The following SH3RF2 variants were observed in gnomAD, a reference collection of about 807,000 sequenced individuals.
SH3RF2 encodes SH3 domain containing ring finger 2, also known as E3 ubiquitin-protein ligase SH3RF2.
In SH3RF2, 43 loss-of-function variants were observed where a neutral mutation model predicts 59.0. That is an observed-to-expected ratio of 0.73 (90% CI 0.57 to 0.94). The LOEUF (loss-of-function observed/expected upper bound fraction) is 0.94, where lower values mean the gene tolerates loss of function less well. SH3RF2 is among the 40% of genes least tolerant of loss of function. The pLI, the probability that SH3RF2 is intolerant of heterozygous loss-of-function variation, is 0.00. For missense variants in SH3RF2, 930 were observed against 940.1 expected, an observed-to-expected ratio of 0.99 and a Z score of 0.14; for synonymous variants, 391 against 391.5, an observed-to-expected ratio of 1.00 and a Z score of 0.01.
At chr5:145,939,604 T>C (rs1757733944) in intron 2 of SH3RF2, among the ~76,000 whole-genome samples, 1 of 152,228 alleles carries the variant, frequency 6.6e-6, no homozygotes, top group Admixed American at 6.5e-5. Context: ...GCCATTGTGC[T>C]TGTAAGTGAC....
Position 146,013,940 on chromosome 5 carries a change from A to T in SH3RF2, c.938A>T (p.His313Leu). The T allele has an allele frequency of 6.2e-7, 1 of 1,614,054 alleles. No individual in the cohort carries two copies. Among genetic ancestry groups the T allele is most frequent in the South Asian group, 1.1e-5 (1 of 91,082 alleles). The change falls in exon 5 of 10, where the codon CAT (histidine) becomes CTT (leucine). Residue 313 changes from histidine to leucine, a missense_variant. By Grantham distance (99) the His-to-Leu change is moderately conservative. Coordinates refer to ENST00000359120, the MANE Select transcript of SH3RF2 (RefSeq NM_152550.4). ...TTGAACACTCTCAACCGGATGGTCCATTCTCCTTCAGGGCGCCATATGGTA... is the reference window on the plus strand; with the variant it reads ...TTGAACACTCTCAACCGGATGGTCCTTTCTCCTTCAGGGCGCCATATGGTA... ...TALNTLNRMV[H>L]SPSGRHMVEI... is the part of the protein sequence containing the mutation.
rs758037 is a variant in SH3RF2 at position 146,013,801 on chromosome 5, C to T, written c.799C>T (p.Arg267Cys). 985,273 of 1,613,750 alleles carry T rather than the reference C, an allele frequency of 0.61. 304,692 individuals carry two copies. The highest frequency in any genetic ancestry group is 0.8 in the Middle Eastern group (4,819 of 6,060). ...LEKNKGRQSS[R>C]TKNLSLVSSS... ...GAAGAACAAAGGTCGCCAGTCATCC[C>T]GCACAAAAAACCTGTCCCTGGTGTC... The change falls in exon 5 of 10, where the codon CGC becomes TGC. Residue 267 changes from arginine to cysteine, a missense_variant. Arg to Cys is a radical substitution (Grantham distance 180). Transcript: ENST00000359120.
In SH3RF2 at chr5:146,062,637, T is replaced by C; in HGVS notation, c.2126T>C (p.Leu709Pro). The change falls in exon 10 of 10, where the codon CTT becomes CCT. Residue 709 changes from leucine (L) to proline (P), a missense_variant. Physicochemically the swap from Leu to Pro is moderately conservative, Grantham distance 98 (BLOSUM62 -3). Coordinates refer to ENST00000359120, the MANE Select transcript of SH3RF2 (RefSeq NM_152550.4). ...QQTDLRRKSA[L>P]GKATTLVSTA... Reference sequence around the variant, plus strand: ...ACAGACCTCCGGAGAAAGTCAGCTCTTGGCAAGGCCACAACCCTGGTGTCC... The same window carrying C: ...ACAGACCTCCGGAGAAAGTCAGCTCCTGGCAAGGCCACAACCCTGGTGTCC... 1 of 1,614,216 alleles carries C rather than the reference T, an allele frequency of 6.2e-7. No individual in the cohort carries two copies. Among genetic ancestry groups the C allele is most frequent in the South Asian group, 1.1e-5 (1 of 91,084 alleles).
chr5:145,997,868 G>A, intron 2 of SH3RF2: 1 of 1,068,516 alleles, frequency 9.4e-7, no homozygotes, highest in Non-Finnish European at 1.5e-6. Flanking sequence ...AATGCTCAGT[G>A]CCCTTGCCAA....
intron 5 of SH3RF2, among the ~76,000 whole-genome samples, chr5:146,025,456 C>T (rs1761495557): frequency 6.6e-6 from 1 of 152,242 alleles, no homozygotes; most frequent in African/African-American, 2.4e-5. Context: ...GGTTCCCACA[C>T]TTGAGCCAAG....
chr5:145,969,544 T>A (rs974941503), intron 2 of SH3RF2, among the ~76,000 whole-genome samples: 5 of 152,040 alleles, frequency 3.3e-5, no homozygotes, highest in Non-Finnish European at 7.4e-5. Flanking sequence ...ATGTAACAGC[T>A]ACAGACATTA....
chr5:145,963,764 C>T (rs1168409295), intron 2 of SH3RF2, among the ~76,000 whole-genome samples: 1 of 152,042 alleles, frequency 6.6e-6, no homozygotes, highest in African/African-American at 2.4e-5. Flanking sequence ...TGTCCCTCAG[C>T]CCCAGCTCTT....
At chr5:146,001,050 T>C (rs1227509892) in intron 3 of SH3RF2, among the ~76,000 whole-genome samples, 1 of 152,232 alleles carries the variant, frequency 6.6e-6, no homozygotes, top group African/African-American at 2.4e-5. Context: ...AATAACATAA[T>C]CGTGCCTTTC....
intron 2 of SH3RF2, among the ~76,000 whole-genome samples, chr5:145,950,809 A>G (rs556621298): frequency 1.3e-5 from 2 of 152,340 alleles, no homozygotes; most frequent in South Asian, 4.1e-4. Flanking sequence ...CCTAACAGAA[A>G]CCCATTATGT....
intron 2 of SH3RF2, chr5:145,997,904 C>A: frequency 1.1e-6 from 1 of 886,622 alleles, no homozygotes; most frequent in Non-Finnish European, 1.9e-6. Context: ...AAGCAAACAC[C>A]AAATCAGAAT....
intron 7 of SH3RF2, among the ~76,000 whole-genome samples, chr5:146,049,486 T>G (rs1346280151): frequency 1.3e-5 from 2 of 152,204 alleles, no homozygotes; most frequent in Non-Finnish European, 2.9e-5. Flanking sequence ...TGCCCAAGAA[T>G]CCTCTAAGGT....
intron 2 of SH3RF2, among the ~76,000 whole-genome samples, chr5:145,961,736 C>T (rs1758640102): frequency 6.6e-6 from 1 of 152,234 alleles, no homozygotes; most frequent in South Asian, 2.1e-4. Context: ...ACTGATCAGA[C>T]TAACTTATCC....
intron 7 of SH3RF2, among the ~76,000 whole-genome samples, chr5:146,050,937 C>A (rs924146771): frequency 6.6e-6 from 1 of 152,186 alleles, no homozygotes; most frequent in Non-Finnish European, 1.5e-5. Flanking sequence ...CAAGTACAAA[C>A]AAAAGACCTG....
At chr5:145,997,112 T>C in intron 2 of SH3RF2, 2 of 623,434 alleles carry the variant, frequency 3.2e-6, no homozygotes, top group Non-Finnish European at 5.8e-6. Context: ...GGGCATTTGT[T>C]GTGCAGGTTA....
At chr5:145,941,210 A>G (rs893971847) in intron 2 of SH3RF2, among the ~76,000 whole-genome samples, 3 of 152,182 alleles carry the variant, frequency 2.0e-5, no homozygotes, top group African/African-American at 7.2e-5. Flanking sequence ...ACCTAGACTC[A>G]TCTAAAAAAC....
At position 146,025,705 on chromosome 5, in the gene SH3RF2, G is replaced by A. The variant is rs371923331; in HGVS notation, c.1059+11644G>A. ...TGCCAATGCTGAAGTGGAATCTATG[G>A]ATTCTGTTGTTGTTTTTATTGTGTT... On this transcript the variant is annotated intron_variant, in intron 5 of 9. Coordinates refer to ENST00000359120, the MANE Select transcript of SH3RF2 (RefSeq NM_152550.4). Among the ~76,000 whole-genome samples the A allele has an allele frequency of 1.2e-4, 16 of 135,952 alleles. No homozygotes were observed. In the South Asian group the frequency reaches 3.3e-3, roughly 28 times the overall value. 89.2% of individuals were successfully genotyped at this position (135,952 alleles called of 152,430 possible). A position where few individuals can be genotyped will look rare whatever the true frequency, so the allele number is the denominator to read the frequency against.
chr5:146,079,620 A>C (rs921483112), exon 10 of SH3RF2: 2 of 152,234 alleles, frequency 1.3e-5, no homozygotes, highest in Non-Finnish European at 2.9e-5. Flanking sequence ...GACCATGAGC[A>C]GAGTAAGGAT....
exon 10 of SH3RF2, chr5:146,079,558 A>G (rs1763392894): frequency 6.6e-6 from 1 of 152,218 alleles, no homozygotes; most frequent in Admixed American, 6.5e-5. Flanking sequence ...CTGAGGAAGC[A>G]TCCTCAGTTT....
intron 2 of SH3RF2, among the ~76,000 whole-genome samples, chr5:145,964,235 TTC>T (rs1474518118): frequency 6.6e-6 from 1 of 151,514 alleles, no homozygotes; most frequent in Non-Finnish European, 1.5e-5. Flanking sequence ...TTTCTTTTCT[TTC>T]TTTCTTCTTT....
Sources: allele counts gnomAD v4.1 joint callset (sites outside exome capture counted in the v4.1 genomes callset), GRCh38; gene constraint gnomAD v4.1.1; transcripts MANE v1.5; gene names NCBI Gene and HGNC (gene_info 2026-07-23, HGNC 2026-07-21).